Variants in PVT1 observed in about 807,000 individuals in gnomAD.
The protein encoded by PVT1 is CXCR4/PVT1 fusion.
intron 4 of PVT1, among the ~76,000 whole-genome samples, chr8:128,062,491 T>C (rs1813843134): frequency 1.3e-5 from 2 of 152,190 alleles, no homozygotes; most frequent in Admixed American, 1.3e-4. Flanking sequence ...TGGAAAGAAA[T>C]GTATGGATTG....
intron 4 of PVT1, among the ~76,000 whole-genome samples, chr8:128,031,918 C>T (rs1813395310): frequency 6.6e-6 from 1 of 152,184 alleles, no homozygotes; most frequent in Admixed American, 6.5e-5. Context: ...TTTCTTCCCC[C>T]TAGCCTTTGG....
At chr8:127,902,395 A>G (rs1469072207) in intron 3 of PVT1, among the ~76,000 whole-genome samples, 1 of 149,974 alleles carries the variant, frequency 6.7e-6, no homozygotes, top group Non-Finnish European at 1.5e-5. Flanking sequence ...CTGGAGCTAC[A>G]CCAGAGCTCC....
intron 3 of PVT1, among the ~76,000 whole-genome samples, chr8:127,984,478 C>A (rs1016942666): frequency 6.6e-6 from 1 of 152,182 alleles, no homozygotes; most frequent in Admixed American, 6.5e-5. Context: ...ATAAGGACAA[C>A]AATTAGACCC....
intron 2 of PVT1, among the ~76,000 whole-genome samples, chr8:127,889,451 T>A (rs1301998645): frequency 1.3e-5 from 2 of 149,788 alleles, no homozygotes; most frequent in South Asian, 4.2e-4. Context: ...TCCTGTGATT[T>A]TTTTTTTTTT....
intron 3 of PVT1, among the ~76,000 whole-genome samples, chr8:127,901,819 C>T (rs187741746): frequency 2.0e-5 from 3 of 151,422 alleles, no homozygotes; most frequent in East Asian, 1.9e-4. Context: ...TCAGGCTAGT[C>T]TTAAAGTCCT....
chr8:127,826,934 C>A (rs1210687622), intron 2 of PVT1, among the ~76,000 whole-genome samples: 1 of 151,328 alleles, frequency 6.6e-6, no homozygotes, highest in Non-Finnish European at 1.5e-5. Flanking sequence ...AGCTGTCTAT[C>A]TGAACTCACG....
chr8:127,840,763 T>C (rs1185574177), intron 2 of PVT1, among the ~76,000 whole-genome samples: 1 of 152,252 alleles, frequency 6.6e-6, no homozygotes, highest in African/African-American at 2.4e-5. Flanking sequence ...GTCCTGCCCA[T>C]GCAGGAAGCT....
chr8:127,906,803 G>T (rs973642844), intron 3 of PVT1, among the ~76,000 whole-genome samples: 1 of 152,148 alleles, frequency 6.6e-6, no homozygotes, highest in Non-Finnish European at 1.5e-5. Context: ...TGCCTACTAT[G>T]TGCCAGGATT....
chr8:127,844,098 T>G (rs1331030425), intron 2 of PVT1, among the ~76,000 whole-genome samples: 1 of 152,050 alleles, frequency 6.6e-6, no homozygotes, highest in East Asian at 1.9e-4. Context: ...TTCTCCTGCC[T>G]CAGCCTCCTG....
Position 127,936,034 on chromosome 8 carries a change from CTT to C in PVT1, n.782+45059_782+45060del, listed in dbSNP as rs937905808. On this transcript the variant is annotated intron_variant and non_coding_transcript_variant, in intron 3 of 10. Transcript: ENST00000651587. ...CAAACAGTGTCTTCTCTCTCTCTCT[CTT>C]TTTTTTTTTTTTTTTTTTTTTTACT... is the stretch of plus-strand genomic sequence containing the variant. Among the ~76,000 whole-genome samples the C allele has an allele frequency of 4.1e-3, 410 of 101,212 alleles. 1 individual carries two copies. Among genetic ancestry groups the C allele is most frequent in the African/African-American group, 0.016 (379 of 23,750 alleles). 66.4% of individuals were successfully genotyped at this position (101,212 alleles called of 152,430 possible).
rs142737273 is a variant in PVT1, at chr8:128,024,595, C to T, written n.912+35304C>T. Among the ~76,000 whole-genome samples, 677 of 152,206 alleles carry T rather than the reference C, an allele frequency of 4.4e-3. 8 individuals are homozygous for T. Among genetic ancestry groups the T allele is most frequent in the East Asian group, 0.033 (172 of 5,180 alleles). On this transcript the variant is annotated intron_variant and non_coding_transcript_variant, in intron 4 of 10. Transcript: ENST00000651587. ...CAAGCCATGATTGTGTCACTGCACT[C>T]CAGCCTGGGTGACAGAGTAAGACCC...
At chr8:127,839,213 G>C (rs905102518) in intron 2 of PVT1, among the ~76,000 whole-genome samples, 1 of 152,176 alleles carries the variant, frequency 6.6e-6, no homozygotes, top group African/African-American at 2.4e-5. Context: ...TGAAGGAGCT[G>C]TGGCAAGAAA....
chr8:127,878,073 G>C (rs572833598), intron 2 of PVT1, among the ~76,000 whole-genome samples: 5 of 152,090 alleles, frequency 3.3e-5, no homozygotes, highest in African/African-American at 1.2e-4. Context: ...ATTGTTTGAC[G>C]GCTCAGGTCC....
intron 4 of PVT1, among the ~76,000 whole-genome samples, chr8:128,041,862 G>C (rs1813549935): frequency 6.6e-6 from 1 of 152,106 alleles, no homozygotes. Context: ...GTTTGGGAAG[G>C]GATTCTCATG....
At chr8:128,070,716 C>T (rs1412631179) in intron 5 of PVT1, among the ~76,000 whole-genome samples, 1 of 152,132 alleles carries the variant, frequency 6.6e-6, no homozygotes, top group Non-Finnish European at 1.5e-5. Flanking sequence ...AGTAGACTTC[C>T]CCTATGTCTC....
chr8:127,889,035 TCTTTCTTCCTTCCTTCCTTC>T (rs1178970679), intron 2 of PVT1, among the ~76,000 whole-genome samples: 19,868 of 100,356 alleles, frequency 0.2, 1,840 homozygotes, highest in Non-Finnish European at 0.22. Flanking sequence ...TTTCTCTCTT[TCTTTCTTCCTTCCTTCCTTC>T]CTTCCTTCCT....
intron 4 of PVT1, among the ~76,000 whole-genome samples, chr8:128,045,926 G>A (rs1440713585): frequency 6.6e-6 from 1 of 152,124 alleles, no homozygotes; most frequent in Non-Finnish European, 1.5e-5. Context: ...TTTTGATTTT[G>A]TCTGAAATGG....
chr8:128,068,837 C>T (rs557676941), intron 4 of PVT1, among the ~76,000 whole-genome samples: 26 of 152,330 alleles, frequency 1.7e-4, no homozygotes, highest in African/African-American at 5.3e-4. Context: ...TGGCATATGC[C>T]TCCATTGCCG....
chr8:127,978,032 G>A (rs1816840251), intron 3 of PVT1, among the ~76,000 whole-genome samples: 2 of 152,196 alleles, frequency 1.3e-5, no homozygotes, highest in Non-Finnish European at 2.9e-5. Flanking sequence ...CAGGGCTTAT[G>A]TGCTAATGTC....
Sources: gnomAD v4.1 joint callset for allele counts (sites outside exome capture counted in the v4.1 genomes callset) on GRCh38, gnomAD v4.1.1 for gene constraint, MANE v1.5 for transcripts, NCBI Gene and HGNC (gene_info 2026-07-23, HGNC 2026-07-21) for gene names.